KCNIP4: variants seen among roughly 807,000 people sequenced by gnomAD.
The protein encoded by KCNIP4 is Kv channel-interacting protein 4.
A neutral mutation model predicts 34.0 loss-of-function variants in KCNIP4; 12 were observed. The ratio of observed to expected loss-of-function variants is 0.35; its 90% CI spans 0.23 to 0.57. The LOEUF is 0.57. KCNIP4 is among the 20% of genes least tolerant of loss of function. The pLI is 0.83. For synonymous variants in KCNIP4, 124 were observed against 102.2 expected (o/e 1.21, Z -1.29); for missense variants, 238 against 311.7 (o/e 0.76, Z 1.78).
At chr4:20,935,166 G>C (rs376248080) in intron 1 of KCNIP4, among the ~76,000 whole-genome samples, 28 of 152,120 alleles carry the variant, frequency 1.8e-4, no homozygotes, top group Admixed American at 5.2e-4. Context: ...TCCAAAAAAG[G>C]TCATACTCAT....
intron 1 of KCNIP4, among the ~76,000 whole-genome samples, chr4:21,361,558 T>C (rs2109407583): frequency 6.6e-6 from 1 of 152,258 alleles, no homozygotes; most frequent in Non-Finnish European, 1.5e-5. Context: ...TGCTAAAGTT[T>C]ACTTTGTTTA....
intron 1 of KCNIP4, among the ~76,000 whole-genome samples, chr4:21,000,101 G>C (rs1328742657): frequency 6.6e-6 from 1 of 152,152 alleles, no homozygotes; most frequent in Admixed American, 6.5e-5. Context: ...TCTTAGAATG[G>C]TGAATTTTCC....
intron 1 of KCNIP4, among the ~76,000 whole-genome samples, chr4:20,919,702 C>CAAA (rs573617142): frequency 1.7e-4 from 10 of 57,180 alleles, no homozygotes; most frequent in South Asian, 6.7e-4. Context: ...GACTCCGTCT[C>CAAA]AAAAAAAAAA....
chr4:21,655,533 G>A (rs1014286073), intron 1 of KCNIP4, among the ~76,000 whole-genome samples: 2 of 152,112 alleles, frequency 1.3e-5, no homozygotes, highest in African/African-American at 4.8e-5. Flanking sequence ...TAAAACACAT[G>A]CTCCACTAAA....
chr4:21,253,612 A>G (rs1760868051), intron 1 of KCNIP4, among the ~76,000 whole-genome samples: 2 of 152,200 alleles, frequency 1.3e-5, no homozygotes, highest in Non-Finnish European at 2.9e-5. Context: ...TTACATAGCC[A>G]TTCAAATCTT....
At chr4:20,742,931 CAG>C (rs1751502260) in intron 5 of KCNIP4, among the ~76,000 whole-genome samples, 1 of 151,780 alleles carries the variant, frequency 6.6e-6, no homozygotes, top group Non-Finnish European at 1.5e-5. Context: ...AATAGACAAA[CAG>C]AGCCAAATCA....
At position 20,756,004 on chromosome 4, in the gene KCNIP4, C is replaced by T. The variant is rs562069784; in HGVS notation, c.358+2817G>A. Among the ~76,000 whole-genome samples the T allele has an allele frequency of 3.3e-5, 5 of 152,152 alleles. No homozygotes were observed. The South Asian group carries it at 6.2e-4, about 19-fold the overall frequency. On this transcript the variant is annotated intron_variant, in intron 4 of 8. Coordinates refer to ENST00000382152, the MANE Select transcript of KCNIP4 (RefSeq NM_025221.6). ...TATGTTCTATGGAATGGTATGGTTT[C>T]GAACAGGCAGTAACATGATTTGCTT...
chr4:21,389,467 A>C lies in KCNIP4; in HGVS notation c.62-506758T>G, dbSNP rs1577284658. On this transcript the variant is annotated intron_variant, in intron 1 of 8. Transcript: ENST00000382152. ...TCCCTCCCCCCTCCCCCCACCCCAC[A>C]ACAGGCCCCAGTGTGTGATGTTCCT... 1.5e-4 allele frequency among the ~76,000 whole-genome samples: 13 copies of C among 87,678 alleles called. No homozygotes were observed. In the South Asian group the frequency reaches 5.3e-3, roughly 36 times the overall value. 57.5% of individuals were successfully genotyped at this position (87,678 alleles called of 152,430 possible).
rs1759163139 is a variant in KCNIP4, at chr4:21,234,403, T to TTA, written c.62-351696_62-351695dup. Among the ~76,000 whole-genome samples, 25 of 129,670 alleles carry TTA rather than the reference T, an allele frequency of 1.9e-4. 4 individuals are homozygous for TTA. Among genetic ancestry groups the TTA allele is most frequent in the Admixed American group, 2.6e-4 (3 of 11,514 alleles). The allele number at this position is 129,670 out of a possible 152,430, so 85.1% of individuals were successfully genotyped here. A position where few individuals can be genotyped will look rare whatever the true frequency, so the allele number is the denominator to read the frequency against. On this transcript the variant is annotated intron_variant, in intron 1 of 8. Coordinates refer to ENST00000382152, the MANE Select transcript of KCNIP4 (RefSeq NM_025221.6). ...CATCATACATAACATATATAATATATTATATAACATATACTATATATATTA... is the reference window on the plus strand; with the variant it reads ...CATCATACATAACATATATAATATATTATATATAACATATACTATATATATTA...
chr4:21,070,985 G>C (rs921345768), intron 1 of KCNIP4, among the ~76,000 whole-genome samples: 3 of 151,914 alleles, frequency 2.0e-5, no homozygotes, highest in African/African-American at 7.2e-5. Context: ...TGAGTTGTGA[G>C]TTTTTAAATA....
intron 1 of KCNIP4, among the ~76,000 whole-genome samples, chr4:21,396,908 C>A (rs1259633024): frequency 1.3e-5 from 2 of 152,190 alleles, no homozygotes; most frequent in African/African-American, 4.8e-5. Context: ...ATTCAAATTT[C>A]TGGTGTGCAG....
chr4:20,732,548 G>T (rs6812257), intron 7 of KCNIP4, 133 bp downstream of exon 7: 1 of 667,462 alleles, frequency 1.5e-6, no homozygotes, highest in East Asian at 2.7e-5. Context: ...TAAATTAATA[G>T]GATGCTAAAT....
chr4:21,523,046 G>A (rs935070976), intron 1 of KCNIP4, among the ~76,000 whole-genome samples: 1 of 151,830 alleles, frequency 6.6e-6, no homozygotes, highest in African/African-American at 2.4e-5. Context: ...AAAAAAAAGG[G>A]GGGGACACTA....
chr4:21,386,883 A>C (rs1722081790), intron 1 of KCNIP4, among the ~76,000 whole-genome samples: 1 of 152,196 alleles, frequency 6.6e-6, no homozygotes, highest in Admixed American at 6.6e-5. Context: ...AAGTCCACAA[A>C]GCTTGAAAGG....
At chr4:21,852,142 C>T (rs1230700427) in intron 1 of KCNIP4, 1 of 152,026 alleles carries the variant, frequency 6.6e-6, no homozygotes, top group African/African-American at 2.4e-5. Context: ...AGGTCACTGT[C>T]AAGATAAGTG....
intron 1 of KCNIP4, among the ~76,000 whole-genome samples, chr4:20,983,027 CATT>C (rs774520644): frequency 5.9e-5 from 9 of 152,098 alleles, no homozygotes; most frequent in Non-Finnish European, 1.2e-4. Flanking sequence ...TTAGTAAAAG[CATT>C]ATTTCATAAA....
chr4:20,757,311 G>C (rs1006945636), intron 4 of KCNIP4, among the ~76,000 whole-genome samples: 1 of 152,140 alleles, frequency 6.6e-6, no homozygotes, highest in African/African-American at 2.4e-5. Context: ...TCCTACAGCA[G>C]TAATCTTCTA....
chr4:21,459,449 A>G (rs534543585), intron 1 of KCNIP4, among the ~76,000 whole-genome samples: 1 of 152,136 alleles, frequency 6.6e-6, no homozygotes, highest in East Asian at 1.9e-4. Flanking sequence ...CCCAGGGACT[A>G]CATTTAGACT....
chr4:21,920,869 TTTTC>T (rs1728898993), intron 1 of KCNIP4, among the ~76,000 whole-genome samples: 1 of 152,070 alleles, frequency 6.6e-6, no homozygotes, highest in Non-Finnish European at 1.5e-5. Flanking sequence ...GCACTGTACA[TTTTC>T]TTTGTTTGCT....
Sources: gnomAD v4.1 joint callset for allele counts (sites outside exome capture counted in the v4.1 genomes callset) on GRCh38, gnomAD v4.1.1 for gene constraint, MANE v1.5 for transcripts, NCBI Gene and HGNC (gene_info 2026-07-23, HGNC 2026-07-21) for gene names.